The following SHPRH variants were observed in gnomAD, a reference collection of about 807,000 sequenced individuals.
SHPRH encodes the protein SNF2 histone linker PHD RING helicase, also known as E3 ubiquitin-protein ligase SHPRH.
SHPRH carries 106 observed loss-of-function variants against 202.5 expected under a neutral mutation model. The observed-to-expected ratio is 0.52, with a 90% CI of 0.45 to 0.62. The LOEUF (loss-of-function observed/expected upper bound fraction) is 0.62. Among genes scored for constraint, SHPRH ranks in the 20% least tolerant of loss-of-function variants. The probability of loss-of-function intolerance (pLI) is 0.00; values close to 1 mark genes in which losing one functional copy is unlikely to be tolerated. For missense variants in SHPRH, 1,710 were observed against 2,020.0 expected, an observed-to-expected ratio of 0.85 and a Z score of 2.94; for synonymous variants, 729 against 686.0, an observed-to-expected ratio of 1.06 and a Z score of -0.98.
Position 145,952,343 on chromosome 6 carries a change from T to C in SHPRH, c.763+6A>G, listed in dbSNP as rs1788063849. 2 of 1,589,156 alleles carry C rather than the reference T, an allele frequency of 1.3e-6. No individual in the cohort carries two copies. The highest frequency in any genetic ancestry group is 3.5e-5 in the Admixed American group (2 of 57,380). On this transcript the variant is annotated splice_donor_region_variant and intron_variant, in intron 3 of 29. Transcript: ENST00000275233. Reference sequence around the variant, plus strand: ...TAGCAATTTTTAAGTTTACTGTAAATATTACCTGGAATAATAGAATTGTGT... The same window carrying C: ...TAGCAATTTTTAAGTTTACTGTAAACATTACCTGGAATAATAGAATTGTGT...
chr6:145,960,960 T>C (rs1455885612), intron 1 of SHPRH, among the ~76,000 whole-genome samples: 6 of 151,962 alleles, frequency 3.9e-5, no homozygotes, highest in Non-Finnish European at 7.4e-5. Context: ...GTGCACAACC[T>C]AGATCCTGCG....
Position 145,886,714 on chromosome 6 carries a change from T to C in SHPRH, c.5029A>G (p.Lys1677Glu), listed in dbSNP as rs545753704. The C allele has an allele frequency of 6.2e-7, 1 of 1,613,690 alleles. No individual in the cohort carries two copies. Among genetic ancestry groups the C allele is most frequent in the South Asian group, 1.1e-5 (1 of 91,054 alleles). ...GTTCATTCAAGCTCTTCAGTTTCTT[T>C]GGTAAATAGGTCTGCCAGGTCAGCC... ...TVADLADLFT[K>E]ETEELE The change falls in exon 30 of 30, where the codon AAA becomes GAA. Residue 1677 changes from lysine (K) to glutamate (E), a missense_variant. Physicochemically the swap from Lys to Glu is moderately conservative, Grantham distance 56. Around this residue, in one of 8 missense-constraint regions of SHPRH, gnomAD observed 306 missense variants for 479.5 expected, o/e 0.64. Transcript: ENST00000275233.
chr6:145,948,568 T>A (rs144928363), intron 4 of SHPRH, among the ~76,000 whole-genome samples: 1 of 152,030 alleles, frequency 6.6e-6, no homozygotes, highest in Non-Finnish European at 1.5e-5. Context: ...TAGCTCCCTT[T>A]GTTTTGGGCA....
chr6:145,886,794 G>A lies in SHPRH; in HGVS notation c.4956-7C>T, dbSNP rs775829523. The A allele has an allele frequency of 1.2e-6, 2 of 1,611,528 alleles. No individual in the cohort carries two copies. Among genetic ancestry groups the A allele is most frequent in the South Asian group, 1.1e-5 (1 of 90,466 alleles). ...TGCTGATGAGTTCGTGTGACTGCAAGGTTTCCCAAATGAGCACAGTCAGAA... is the reference window on the plus strand; with the variant it reads ...TGCTGATGAGTTCGTGTGACTGCAAAGTTTCCCAAATGAGCACAGTCAGAA... On this transcript the variant is annotated splice_polypyrimidine_tract_variant and splice_region_variant and intron_variant, in intron 29 of 29. Transcript: ENST00000275233.
intron 23 of SHPRH, 55 bp from the exon 24 acceptor site, chr6:145,913,604 G>A: frequency 2.1e-6 from 3 of 1,446,742 alleles, no homozygotes; most frequent in South Asian, 1.3e-5. Context: ...TATAAAACCT[G>A]ATATATGTTT....
intron 23 of SHPRH, among the ~76,000 whole-genome samples, chr6:145,915,178 T>C (rs1170782072): frequency 6.8e-6 from 1 of 147,736 alleles, no homozygotes; most frequent in Middle Eastern, 3.3e-3. Context: ...AATATAAATA[T>C]TATAATACAA....
intron 1 of SHPRH, among the ~76,000 whole-genome samples, chr6:145,959,334 T>C (rs1013006409): frequency 5.3e-5 from 8 of 152,204 alleles, no homozygotes; most frequent in African/African-American, 1.7e-4. Flanking sequence ...CATATCTTTA[T>C]TGTACATTTT....
chr6:145,935,059 C>T lies in SHPRH; in HGVS notation c.2838G>A (p.Val946=). The change falls in exon 13 of 30, where the codon GTG becomes GTA. Residue 946 remains valine (V), a synonymous_variant. Coordinates refer to ENST00000275233, the MANE Select transcript of SHPRH (RefSeq NM_001042683.3). ...RQHEVCCQDV[V]VKLRKISDWA... ...AGTCAGAAATCTTCCTGAGTTTTACCACCACATCCTGGCAGCACACCTCAT... is the reference window on the plus strand; with the variant it reads ...AGTCAGAAATCTTCCTGAGTTTTACTACCACATCCTGGCAGCACACCTCAT... 6.2e-7 allele frequency: 1 copy of T among 1,613,790 alleles called. No homozygotes were observed. The highest frequency in any genetic ancestry group is 2.2e-5 in the East Asian group (1 of 44,842).
intron 3 of SHPRH, among the ~76,000 whole-genome samples, chr6:145,951,375 T>G (rs1046799888): frequency 3.9e-5 from 6 of 152,128 alleles, no homozygotes; most frequent in Admixed American, 3.9e-4. Flanking sequence ...ACCAAAAAAT[T>G]CACAACTTAT....
chr6:145,960,231 T>C (rs7746618), intron 1 of SHPRH, among the ~76,000 whole-genome samples: 111,130 of 152,048 alleles, frequency 0.73, 41,070 homozygotes, highest in African/African-American at 0.82. Flanking sequence ...GGTGTATTAC[T>C]GCAAATCCAA....
At chr6:145,923,498 G>T in intron 18 of SHPRH, 145 bp downstream of exon 18, 2 of 1,028,152 alleles carry the variant, frequency 1.9e-6, no homozygotes, top group Non-Finnish European at 2.7e-6. Context: ...AAAAAAGGCT[G>T]CAAAAAAGAA....
At position 145,886,698 on chromosome 6, in the gene SHPRH, A is replaced by C; in HGVS notation, c.5045T>G (p.Leu1682Arg). 6.2e-7 allele frequency: 1 copy of C among 1,613,438 alleles called. No homozygotes were observed. The highest frequency in any genetic ancestry group is 2.2e-5 in the East Asian group (1 of 44,816). ...GAATGAATCAAGTGTAGTTCATTCA[A>C]GCTCTTCAGTTTCTTTGGTAAATAG... ...ADLFTKETEE[L>R]E is the part of the protein sequence containing the mutation. Residue 1682 changes from leucine (L) to arginine (R), a missense_variant, in exon 30 of 30, where the codon CTT (leucine) becomes CGT (arginine). Physicochemically the swap from Leu to Arg is moderately radical, Grantham distance 102. This residue lies in a region of SHPRH where 306 missense variants were observed against 479.5 expected (regional missense o/e 0.64). Transcript: ENST00000275233.
chr6:145,930,434 GAT>G (rs1785317872), intron 14 of SHPRH, among the ~76,000 whole-genome samples: 1 of 151,974 alleles, frequency 6.6e-6, no homozygotes, highest in Non-Finnish European at 1.5e-5. Flanking sequence ...CACAAATTTT[GAT>G]ATTTCATTTT....
chr6:145,921,806 C>T (rs9399569), intron 20 of SHPRH, among the ~76,000 whole-genome samples: 83,335 of 151,786 alleles, frequency 0.55, 23,359 homozygotes, highest in Admixed American at 0.67. Context: ...AATAGTAATA[C>T]ACCTGGATGA....
chr6:145,951,782 C>T, intron 3 of SHPRH: 1 of 455,942 alleles, frequency 2.2e-6, no homozygotes. Context: ...TGAAATAATG[C>T]TGACCCACCA....
intron 13 of SHPRH, among the ~76,000 whole-genome samples, chr6:145,933,384 AT>A (rs1281482456): frequency 2.6e-5 from 4 of 151,910 alleles, no homozygotes; most frequent in Non-Finnish European, 5.9e-5. Flanking sequence ...AGTTTTTCCC[AT>A]TTCAGTAAAG....
At chr6:145,900,161 C>A (rs1782370758) in intron 25 of SHPRH, among the ~76,000 whole-genome samples, 1 of 152,014 alleles carries the variant, frequency 6.6e-6, no homozygotes, top group South Asian at 2.1e-4. Context: ...GGTATATATC[C>A]AGGGGAAATT....
chr6:145,945,639 TA>T lies in SHPRH; in HGVS notation c.1322-3del. On this transcript the variant is annotated splice_region_variant and splice_polypyrimidine_tract_variant and intron_variant, in intron 7 of 29. Coordinates refer to ENST00000275233, the MANE Select transcript of SHPRH (RefSeq NM_001042683.3). ...CTGTCAGTATCATCACACGTGTAGC[TA>T]AATGTAAAAGGATATGCTAAATCAG... 1 of 1,600,358 alleles carries T rather than the reference TA, an allele frequency of 6.2e-7. No individual in the cohort carries two copies. The highest frequency in any genetic ancestry group is 1.1e-5 in the South Asian group (1 of 88,838).
rs765250966 is a variant in SHPRH at position 145,886,706 on chromosome 6, A to G, written c.5037T>C (p.Thr1679=). The change falls in exon 30 of 30, where the codon ACT becomes ACC. Residue 1679 remains threonine (T), a synonymous_variant. Coordinates refer to ENST00000275233, the MANE Select transcript of SHPRH (RefSeq NM_001042683.3). ...CAAGTGTAGTTCATTCAAGCTCTTC[A>G]GTTTCTTTGGTAAATAGGTCTGCCA... is the stretch of plus-strand genomic sequence containing the variant. ...ADLADLFTKE[T]EELE 2.5e-6 allele frequency: 4 copies of G among 1,613,546 alleles called. No homozygotes were observed. The highest frequency in any genetic ancestry group is 3.4e-6 in the Non-Finnish European group (4 of 1,179,718).
Sources: gnomAD v4.1 joint callset for allele counts (sites outside exome capture counted in the v4.1 genomes callset) on GRCh38, gnomAD v4.1.1 for gene constraint, gnomAD v4.1.1 regional missense constraint, MANE v1.5 for transcripts, NCBI Gene and HGNC (gene_info 2026-07-23, HGNC 2026-07-21) for gene names.